The following DPY19L1 variants were observed in gnomAD, a reference collection of about 807,000 sequenced individuals.
DPY19L1 encodes the protein dpy-19 like C-mannosyltransferase 1.
A neutral mutation model predicts 96.9 loss-of-function variants in DPY19L1; 35 were observed. The observed-to-expected ratio is 0.36, with a 90% CI of 0.28 to 0.48. The LOEUF (loss-of-function observed/expected upper bound fraction) is 0.48, where lower values mean the gene tolerates loss of function less well. DPY19L1 is among the 20% of genes least tolerant of loss of function. The pLI, the probability that DPY19L1 is intolerant of heterozygous loss-of-function variation, is 0.99. For missense variants in DPY19L1, 521 were observed against 777.9 expected (o/e 0.67, Z 3.93); for synonymous variants, 205 against 252.6 (o/e 0.81, Z 1.79).
intron 15 of DPY19L1, among the ~76,000 whole-genome samples, chr7:34,946,714 G>C (rs976496215): frequency 1.3e-5 from 2 of 152,176 alleles, no homozygotes; most frequent in African/African-American, 4.8e-5. Context: ...CCAACGATAG[G>C]GGAAGGTGCA....
At chr7:35,029,624 A>G (rs777726033) in intron 1 of DPY19L1, among the ~76,000 whole-genome samples, 1 of 152,238 alleles carries the variant, frequency 6.6e-6, no homozygotes, top group Non-Finnish European at 1.5e-5. Context: ...CTGTGTTGTT[A>G]TATCATTGCC....
intron 6 of DPY19L1, among the ~76,000 whole-genome samples, chr7:34,995,475 G>T (rs557765225): frequency 6.6e-6 from 1 of 152,210 alleles, no homozygotes; most frequent in African/African-American, 2.4e-5. Context: ...GATATAAAAT[G>T]AAGGGATAAT....
intron 16 of DPY19L1, among the ~76,000 whole-genome samples, chr7:34,943,521 G>C (rs1035437196): frequency 2.0e-5 from 3 of 152,060 alleles, no homozygotes; most frequent in African/African-American, 7.2e-5. Context: ...TTTACTTCCT[G>C]GGTCTTTGAG....
At chr7:34,978,782 T>C (rs898509670) in intron 7 of DPY19L1, among the ~76,000 whole-genome samples, 1 of 152,118 alleles carries the variant, frequency 6.6e-6, no homozygotes, top group Non-Finnish European at 1.5e-5. Context: ...TAATTACTGA[T>C]TGAGCATCGC....
chr7:35,035,585 T>A (rs992753012), intron 1 of DPY19L1, among the ~76,000 whole-genome samples: 6 of 152,228 alleles, frequency 3.9e-5, no homozygotes, highest in African/African-American at 1.4e-4. Flanking sequence ...AGATCTCAAA[T>A]CAGCATCACA....
chr7:34,980,814 A>G (rs1287289225), intron 7 of DPY19L1, among the ~76,000 whole-genome samples: 1 of 152,208 alleles, frequency 6.6e-6, no homozygotes, highest in Non-Finnish European at 1.5e-5. Context: ...GTATTGATAG[A>G]AGAAACTGGA....
chr7:35,036,911 GGGA>G (rs1211320376), intron 1 of DPY19L1, among the ~76,000 whole-genome samples, 183 bp downstream of exon 1: 2 of 151,734 alleles, frequency 1.3e-5, no homozygotes, highest in Non-Finnish European at 2.9e-5. Flanking sequence ...GGGAGTTGCG[GGGA>G]GGAGAAGGTA....
At chr7:34,938,171 T>C in intron 20 of DPY19L1, 52 bp from the exon 21 acceptor site, 1 of 1,558,322 alleles carries the variant, frequency 6.4e-7, no homozygotes, top group Non-Finnish European at 8.8e-7. Context: ...AACGATACAA[T>C]AACACATTTG....
chr7:34,937,206 C>T (rs1241257155), intron 21 of DPY19L1, among the ~76,000 whole-genome samples: 1 of 152,226 alleles, frequency 6.6e-6, no homozygotes, highest in Non-Finnish European at 1.5e-5. Context: ...GAAATAGAAA[C>T]TTAAAAACTA....
rs1584216761 is a variant in DPY19L1 at position 34,957,116 on chromosome 7, C to T, written c.1179+868G>A. On this transcript the variant is annotated intron_variant, in intron 11 of 21. Transcript: ENST00000638088. ...TCATCCTGCCAGCCGGGCATGGTGG[C>T]TCACGCCTGTAATCCCAGCACTTTG... 2.0e-5 allele frequency among the ~76,000 whole-genome samples: 3 copies of T among 151,974 alleles called. No individual in the cohort carries two copies. The South Asian group carries it at 6.2e-4, about 32-fold the overall frequency.
intron 8 of DPY19L1, among the ~76,000 whole-genome samples, chr7:34,971,824 C>T (rs1784730280): frequency 6.6e-6 from 1 of 152,142 alleles, no homozygotes; most frequent in Admixed American, 6.5e-5. Flanking sequence ...TCCTGGTAGG[C>T]AGAATAATGG....
At chr7:34,973,667 A>G in intron 7 of DPY19L1, 62 bp from the exon 8 acceptor site, 1 of 870,818 alleles carries the variant, frequency 1.1e-6, no homozygotes, top group Non-Finnish European at 1.6e-6. Context: ...TCCAAGTAAA[A>G]ATTGCTATTT....
At position 34,955,240 on chromosome 7, in the gene DPY19L1, A is replaced by G. The variant is rs1277744949; in HGVS notation, c.1239+68T>C. 16 of 1,536,060 alleles carry G rather than the reference A, an allele frequency of 1.0e-5. No homozygotes were observed. In the East Asian group the frequency reaches 3.0e-4, roughly 29 times the overall value. ...TTGCATAGATCATTTTCTTAAAAGT[A>G]AAACATAAAACCAATGATATATTTT... is the stretch of plus-strand genomic sequence containing the variant. On this transcript the variant is annotated intron_variant, in intron 12 of 21. Coordinates refer to ENST00000638088, the MANE Select transcript of DPY19L1 (RefSeq NM_001366673.1).
rs536910652 is a variant in DPY19L1 at position 35,003,241 on chromosome 7, C to A, written c.764+7227G>T. ...AGGTCTACCAAAGAGGGAAAATAAA[C>A]CAAGAAAGAGGAACAAACAGGATAA... On this transcript the variant is annotated intron_variant, in intron 6 of 21. Coordinates refer to ENST00000638088, the MANE Select transcript of DPY19L1 (RefSeq NM_001366673.1). Among the ~76,000 whole-genome samples, 3 of 152,234 alleles carry A rather than the reference C, an allele frequency of 2.0e-5. No homozygotes were observed. In the East Asian group the frequency reaches 5.8e-4, roughly 29 times the overall value.
At chr7:35,016,001 G>GT (rs1331891314) in intron 3 of DPY19L1, among the ~76,000 whole-genome samples, 2 of 151,748 alleles carry the variant, frequency 1.3e-5, no homozygotes, top group East Asian at 3.9e-4. Context: ...TATCAAATAA[G>GT]TAAAAAAAAA....
At chr7:34,967,066 T>C (rs1180837256) in intron 9 of DPY19L1, 95 bp from the exon 10 acceptor site, 7 of 894,332 alleles carry the variant, frequency 7.8e-6, no homozygotes, top group South Asian at 2.1e-5. Context: ...GATTTATATC[T>C]ACACACAGAG....
chr7:35,021,427 C>G (rs1785992772), intron 1 of DPY19L1, among the ~76,000 whole-genome samples: 1 of 152,236 alleles, frequency 6.6e-6, no homozygotes, highest in South Asian at 2.1e-4. Flanking sequence ...CACTCTTTCA[C>G]AGTCTCCAGG....
Position 34,983,287 on chromosome 7 carries a change from T to C in DPY19L1, c.822+6597A>G, listed in dbSNP as rs1430926569. On this transcript the variant is annotated intron_variant, in intron 7 of 21. Transcript: ENST00000638088. ...CAAAGTAGCAGGAAAATATGACCCA[T>C]TATCAAGAGAAAAAAAACAGTCAAT... is the stretch of plus-strand genomic sequence containing the variant. Among the ~76,000 whole-genome samples, 10 of 152,188 alleles carry C rather than the reference T, an allele frequency of 6.6e-5. No homozygotes were observed. The East Asian group carries it at 1.9e-3, about 29-fold the overall frequency.
intron 6 of DPY19L1, among the ~76,000 whole-genome samples, chr7:35,006,361 C>T (rs1197318772): frequency 6.6e-6 from 1 of 152,174 alleles, no homozygotes; most frequent in African/African-American, 2.4e-5. Context: ...TGCTTGATAT[C>T]TGCCTTAGAG....
Sources: allele counts gnomAD v4.1 joint callset (sites outside exome capture counted in the v4.1 genomes callset), GRCh38; gene constraint gnomAD v4.1.1; transcripts MANE v1.5; gene names NCBI Gene and HGNC (gene_info 2026-07-23, HGNC 2026-07-21).